REXO4: variants seen among roughly 807,000 people sequenced by gnomAD.
REXO4 encodes REX4 homolog, 3'-5' exonuclease.
REXO4 carries 29 observed loss-of-function variants against 39.9 expected under a neutral mutation model. The ratio of observed to expected loss-of-function variants is 0.73; its 90% CI spans 0.54 to 0.99. REXO4 has a LOEUF of 0.99. REXO4 is among the 50% of genes least tolerant of loss of function. The pLI is 0.00. For synonymous variants in REXO4, 184 were observed against 206.2 expected, an observed-to-expected ratio of 0.89 and a Z score of 0.92; for missense variants, 524 against 546.5, an observed-to-expected ratio of 0.96 and a Z score of 0.41.
In REXO4 at chr9:133,407,024, CCTT is replaced by C. The variant is rs587743176; in HGVS notation, c.1195_1197del (p.Lys399del). 4.9e-3 allele frequency: 7,853 copies of C among 1,613,422 alleles called. 40 individuals carry two copies. Among genetic ancestry groups the C allele is most frequent in the Non-Finnish European group, 6.0e-3 (7,047 of 1,180,022 alleles). The stretch of plus-strand genomic sequence containing the variant: ...CTGTCTCGGGCCATGCTCTCCCACT[CCTT>C]CTTCACCATGACGTACAGCCTCATT... On this transcript the variant is annotated inframe_deletion, in exon 8 of 8. Transcript: ENST00000371942.
intron 5 of REXO4, 115 bp downstream of exon 5, chr9:133,410,870 T>C: frequency 1.3e-6 from 1 of 745,592 alleles, no homozygotes; most frequent in South Asian, 1.5e-5. Context: ...TACCAAAGTA[T>C]TCCCAACATA....
At position 133,417,701 on chromosome 9, in the gene REXO4, C is replaced by A. The variant is rs2130752152; in HGVS notation, c.144G>T (p.Lys48Asn). 6.2e-7 allele frequency: 1 copy of A among 1,614,170 alleles called. No individual in the cohort carries two copies. Among genetic ancestry groups the A allele is most frequent in the East Asian group, 2.2e-5 (1 of 44,884 alleles). ...WKSKAREVSK[K>N]PASGPGAVVR... Reference sequence around the variant, plus strand: ...CCACAGCACCGGGGCCGCTTGCTGGCTTCTTGCTTACTTCCCGCGCCTTGC... The same window carrying A: ...CCACAGCACCGGGGCCGCTTGCTGGATTCTTGCTTACTTCCCGCGCCTTGC... Residue 48 changes from lysine to asparagine, a missense_variant, in exon 1 of 8, where the codon AAG becomes AAT. Lys to Asn is a moderately conservative substitution (Grantham distance 94, BLOSUM62 0). Transcript: ENST00000371942.
Position 133,412,800 on chromosome 9 carries a change from C to T in REXO4, c.694G>A (p.Val232Met), listed in dbSNP as rs1588135257. The T allele has an allele frequency of 1.9e-6, 3 of 1,613,304 alleles. No homozygotes were observed. The highest frequency in any genetic ancestry group is 2.5e-6 in the Non-Finnish European group (3 of 1,180,040). The change falls in exon 3 of 8, where the codon GTG (valine) becomes ATG (methionine). Residue 232 changes from valine to methionine, a missense_variant. Transcript: ENST00000371942. ...QSEGSVSLSL[V>M]KEQAFGGLTR... is the part of the protein sequence containing the mutation. Reference sequence around the variant, plus strand: ...TACCCGCCGAAGGCCTGCTCTTTCACGAGGCTGAGGCTGACGCTGCCCTCG... The same window carrying T: ...TACCCGCCGAAGGCCTGCTCTTTCATGAGGCTGAGGCTGACGCTGCCCTCG...
At chr9:133,412,033 C>T (rs1397928839) in intron 4 of REXO4, among the ~76,000 whole-genome samples, 1 of 152,036 alleles carries the variant, frequency 6.6e-6, no homozygotes, top group Non-Finnish European at 1.5e-5. Flanking sequence ...TCCTGAGTAG[C>T]TGGGACTACA....
intron 7 of REXO4, 85 bp from the exon 8 acceptor site, chr9:133,407,157 G>T: frequency 6.3e-7 from 1 of 1,587,238 alleles, no homozygotes. Context: ...CCTCCCACTA[G>T]CCACTCTGCT....
intron 5 of REXO4, among the ~76,000 whole-genome samples, chr9:133,409,947 C>G (rs782439969): frequency 1.3e-5 from 2 of 152,166 alleles, no homozygotes; most frequent in Non-Finnish European, 2.9e-5. Flanking sequence ...AAGGACGAGT[C>G]CCCACGGCAG....
In REXO4 at chr9:133,417,981, T is replaced by C. The variant is rs1839780809; in HGVS notation, c.-137A>G. ...GCAGGGACCCCGTCCAGGAAAAGAC[T>C]CCGGAAGAGACCCCGCACGCGTTGC... On this transcript the variant is annotated 5_prime_UTR_variant, in exon 1 of 8. Transcript: ENST00000371942. The C allele has an allele frequency of 2.6e-6, 2 of 771,796 alleles. No individual in the cohort carries two copies. The highest frequency in any genetic ancestry group is 4.1e-6 in the Non-Finnish European group (2 of 492,680). The allele number at this position is 771,796 out of a possible 1,614,324, so 47.8% of individuals were successfully genotyped here. A position where few individuals can be genotyped will look rare whatever the true frequency, so the allele number is the denominator to read the frequency against.
At chr9:133,414,506 T>C in intron 2 of REXO4, 159 bp downstream of exon 2, 1 of 754,032 alleles carries the variant, frequency 1.3e-6, no homozygotes, top group Non-Finnish European at 2.3e-6. Flanking sequence ...ATGCGCACAC[T>C]CTAGGGGAAA....
intron 2 of REXO4, among the ~76,000 whole-genome samples, chr9:133,413,346 C>A (rs1193529362): frequency 6.6e-6 from 1 of 152,174 alleles, no homozygotes; most frequent in Non-Finnish European, 1.5e-5. Flanking sequence ...AAGTGATCCA[C>A]CTGCCTCGGC....
chr9:133,415,070 T>A lies in REXO4; in HGVS notation c.226-59A>T, dbSNP rs890061251. On this transcript the variant is annotated intron_variant, in intron 1 of 7. Transcript: ENST00000371942. ...AATTTGGAAATTACACACAGCAGAT[T>A]GAAAAAACTTACGTGTGTATGTATA... 3 of 1,425,264 alleles carry A rather than the reference T, an allele frequency of 2.1e-6. No homozygotes were observed. The Middle Eastern group carries it at 5.5e-4, about 262-fold the overall frequency. 88.3% of individuals were successfully genotyped at this position (1,425,264 alleles called of 1,614,324 possible).
At chr9:133,411,672 A>G (rs958007911) in intron 4 of REXO4, among the ~76,000 whole-genome samples, 11 of 152,148 alleles carry the variant, frequency 7.2e-5, no homozygotes, top group Non-Finnish European at 1.0e-4. Flanking sequence ...CATGCCTGTA[A>G]TTCCAGCACT....
Position 133,410,937 on chromosome 9 carries a change from C to T in REXO4, c.999+48G>A, listed in dbSNP as rs782151537. ...CAACACAGCAAGGGCGTGAGTGTAA[C>T]ACCCACGGAGCAGGGGCAGGCTGAG... is the stretch of plus-strand genomic sequence containing the variant. On this transcript the variant is annotated intron_variant, in intron 5 of 7. Coordinates refer to ENST00000371942, the MANE Select transcript of REXO4 (RefSeq NM_020385.4). 4.3e-6 allele frequency: 6 copies of T among 1,410,194 alleles called. No individual in the cohort carries two copies. In the African/African-American group the frequency reaches 7.1e-5, roughly 17 times the overall value. 87.4% of individuals were successfully genotyped at this position (1,410,194 alleles called of 1,614,324 possible).
chr9:133,414,198 G>T, intron 2 of REXO4: 1 of 353,130 alleles, frequency 2.8e-6, no homozygotes, highest in South Asian at 2.2e-5. Context: ...GCCTCCCAAG[G>T]AGCTGGGATC....
At position 133,418,002 on chromosome 9, in the gene REXO4, G is replaced by A. The variant is rs983435355; in HGVS notation, c.-158C>T. 4.5e-6 allele frequency: 3 copies of A among 663,584 alleles called. No individual in the cohort carries two copies. Among genetic ancestry groups the A allele is most frequent in the South Asian group, 3.9e-5 (2 of 51,818 alleles). 41.1% of individuals were successfully genotyped at this position (663,584 alleles called of 1,614,324 possible). A position where few individuals can be genotyped will look rare whatever the true frequency, so the allele number is the denominator to read the frequency against. On this transcript the variant is annotated 5_prime_UTR_variant, in exon 1 of 8. It adds an upstream start codon to the 5' untranslated region. Transcript: ENST00000371942. ...AGACTCCGGAAGAGACCCCGCACGC[G>A]TTGCGCATACCTCAGCACGCACGCT...
rs782627340 is a variant in REXO4, at chr9:133,406,962, G to A, written c.1260C>T (p.Asp420=). The A allele has an allele frequency of 1.8e-5, 29 of 1,611,220 alleles. No individual in the cohort carries two copies. The highest frequency in any genetic ancestry group is 8.9e-5 in the East Asian group (4 of 44,886). ...CAGCAGGGCAGGACTGCTAGGCGTC[G>A]TCACTGCAGTGGTCTGGAGCAGTCA... ...PLLTAPDHCS[D]DA The change falls in exon 8 of 8, where the codon GAC becomes GAT. Residue 420 remains aspartate, a synonymous_variant. Transcript: ENST00000371942.
intron 5 of REXO4, 91 bp from the exon 6 acceptor site, chr9:133,408,933 T>TGC (rs1491207917): frequency 2.5e-6 from 1 of 396,866 alleles, no homozygotes; most frequent in Non-Finnish European, 4.5e-6. Context: ...AAGTAACATC[T>TGC]TTGTGTGTGT....
In REXO4 at chr9:133,414,989, T is replaced by C; in HGVS notation, c.248A>G (p.Gln83Arg). The C allele has an allele frequency of 6.3e-7, 1 of 1,582,846 alleles. No homozygotes were observed. The highest frequency in any genetic ancestry group is 8.5e-7 in the Non-Finnish European group (1 of 1,170,410). The change falls in exon 2 of 8, where the codon CAG (glutamine) becomes CGG (arginine). Residue 83 changes from glutamine (Q) to arginine (R), a missense_variant. Gln to Arg is a conservative substitution (Grantham distance 43). Transcript: ENST00000371942. The stretch of plus-strand genomic sequence containing the variant: ...GATGACAAGAGGCTTTTCTGGGGCC[T>C]GAGATTTTTGTTTCAGCAGCCACTG... ...LQEWLLKQKSQAPEKPLVISQ... is the reference protein window; with the variant it reads ...LQEWLLKQKSRAPEKPLVISQ...
chr9:133,409,442 C>T (rs587720419), intron 5 of REXO4, among the ~76,000 whole-genome samples: 2 of 152,308 alleles, frequency 1.3e-5, no homozygotes, highest in East Asian at 1.9e-4. Flanking sequence ...AAACAGTCAA[C>T]AGTTAACCAG....
At chr9:133,410,173 C>T (rs940565080) in intron 5 of REXO4, among the ~76,000 whole-genome samples, 1 of 152,200 alleles carries the variant, frequency 6.6e-6, no homozygotes. Context: ...TTCTGAACGG[C>T]TTCAAGTTCC....
Sources: allele counts gnomAD v4.1 joint callset (sites outside exome capture counted in the v4.1 genomes callset), GRCh38; gene constraint gnomAD v4.1.1; transcripts MANE v1.5; gene names NCBI Gene and HGNC (gene_info 2026-07-23, HGNC 2026-07-21).